Variants in NRXN1 observed in about 807,000 individuals in gnomAD.
NRXN1 encodes the protein neurexin-1.
Under a neutral mutation model 150.9 loss-of-function variants are expected in NRXN1, and 39 were observed. That is an observed-to-expected ratio of 0.26 (90% CI 0.20 to 0.34). The LOEUF (loss-of-function observed/expected upper bound fraction) is 0.34. NRXN1 is among the 10% of genes least tolerant of loss of function. The pLI, the probability that NRXN1 is intolerant of heterozygous loss-of-function variation, is 1.00. For synonymous variants in NRXN1, 924 were observed against 757.0 expected (o/e 1.22, Z -3.62); for missense variants, 1,815 against 1,949.9 (o/e 0.93, Z 1.30).
At chr2:50,258,269 C>A (rs1187051618) in intron 17 of NRXN1, among the ~76,000 whole-genome samples, 8 of 152,044 alleles carry the variant, frequency 5.3e-5, no homozygotes, top group Admixed American at 5.3e-4. Flanking sequence ...TTGAGTCAAT[C>A]CTCTCAAACC....
At chr2:51,003,918 T>C (rs1700374708) in intron 2 of NRXN1, among the ~76,000 whole-genome samples, 2 of 151,976 alleles carry the variant, frequency 1.3e-5, no homozygotes, top group South Asian at 2.1e-4. Flanking sequence ...GTCATCTTTT[T>C]AGCACATTAA....
intron 18 of NRXN1, among the ~76,000 whole-genome samples, chr2:50,133,792 T>TA (rs903070333): frequency 1.3e-5 from 2 of 152,130 alleles, no homozygotes; most frequent in Non-Finnish European, 2.9e-5. Context: ...ATTAACAGAT[T>TA]AAAAAACTAA....
At chr2:50,880,129 A>G (rs910606653) in intron 5 of NRXN1, among the ~76,000 whole-genome samples, 5 of 151,954 alleles carry the variant, frequency 3.3e-5, no homozygotes, top group Non-Finnish European at 7.4e-5. Context: ...TTGAAGATAC[A>G]TAATATCCAA....
intron 9 of NRXN1, among the ~76,000 whole-genome samples, chr2:50,546,542 G>C (rs1284102701): frequency 1.3e-5 from 2 of 152,044 alleles, no homozygotes; most frequent in Non-Finnish European, 1.5e-5. Flanking sequence ...GAAAAATTAT[G>C]TTTATACTCT....
At chr2:50,929,701 T>C (rs1687456186) in intron 2 of NRXN1, among the ~76,000 whole-genome samples, 1 of 152,056 alleles carries the variant, frequency 6.6e-6, no homozygotes, top group Non-Finnish European at 1.5e-5. Context: ...ACAGGGAGTG[T>C]GCTAACTTCT....
chr2:50,333,679 A>C (rs537004144), intron 17 of NRXN1, among the ~76,000 whole-genome samples: 143 of 152,096 alleles, frequency 9.4e-4, no homozygotes, highest in African/African-American at 3.2e-3. Context: ...TGTGAAAGAC[A>C]GCAGAATGGA....
chr2:51,021,286 T>C (rs1478928575), intron 2 of NRXN1, among the ~76,000 whole-genome samples: 5 of 151,966 alleles, frequency 3.3e-5, no homozygotes, highest in African/African-American at 9.7e-5. Context: ...TGAATATCTA[T>C]TGTAAGGCCT....
intron 21 of NRXN1, among the ~76,000 whole-genome samples, chr2:50,006,539 C>G (rs1558678379): frequency 6.6e-6 from 1 of 152,164 alleles, no homozygotes; most frequent in Non-Finnish European, 1.5e-5. Flanking sequence ...CTGAGGCATT[C>G]TGTGGAGTCT....
intron 12 of NRXN1, among the ~76,000 whole-genome samples, chr2:50,523,194 C>T (rs1287339287): frequency 1.3e-5 from 2 of 151,578 alleles, no homozygotes; most frequent in Non-Finnish European, 2.9e-5. Context: ...CTTTTCATTC[C>T]CTTCACATAT....
chr2:50,844,368 C>G (rs762059548), intron 5 of NRXN1, among the ~76,000 whole-genome samples: 1 of 152,120 alleles, frequency 6.6e-6, no homozygotes, highest in Non-Finnish European at 1.5e-5. Context: ...ATAGGCTGAC[C>G]CTTCGTCTAC....
chr2:50,578,381 G>T (rs962116740), intron 8 of NRXN1, among the ~76,000 whole-genome samples: 2 of 152,130 alleles, frequency 1.3e-5, no homozygotes, highest in Non-Finnish European at 2.9e-5. Flanking sequence ...AGCTGCATTT[G>T]TACAGCAAGC....
At chr2:51,013,939 A>C (rs751528696) in intron 2 of NRXN1, among the ~76,000 whole-genome samples, 2 of 152,056 alleles carry the variant, frequency 1.3e-5, no homozygotes, top group Non-Finnish European at 2.9e-5. Flanking sequence ...TACAAATGCA[A>C]TGCTATCAAG....
chr2:49,936,479 G>A (rs747151893), intron 22 of NRXN1, among the ~76,000 whole-genome samples: 7 of 152,106 alleles, frequency 4.6e-5, no homozygotes, highest in Non-Finnish European at 1.0e-4. Context: ...GCCAAGCATT[G>A]TGTATGAATC....
intron 15 of NRXN1, among the ~76,000 whole-genome samples, chr2:50,487,001 A>T (rs2090920651): frequency 6.6e-6 from 1 of 152,322 alleles, no homozygotes; most frequent in Admixed American, 6.5e-5. Flanking sequence ...AAATGGTTAC[A>T]ATAATTTCTA....
chr2:50,443,045 A>G (rs571258484), intron 17 of NRXN1, among the ~76,000 whole-genome samples: 2 of 152,302 alleles, frequency 1.3e-5, no homozygotes, highest in South Asian at 4.1e-4. Context: ...TGGGTGACTA[A>G]TTGACATTAG....
At chr2:50,675,433 A>C (rs1328245295) in intron 5 of NRXN1, among the ~76,000 whole-genome samples, 2 of 152,174 alleles carry the variant, frequency 1.3e-5, no homozygotes, top group Non-Finnish European at 2.9e-5. Flanking sequence ...AACTGCTTGG[A>C]AAGCATAGTT....
intron 17 of NRXN1, among the ~76,000 whole-genome samples, chr2:50,293,554 C>T (rs1017021820): frequency 6.6e-6 from 1 of 152,044 alleles, no homozygotes; most frequent in African/African-American, 2.4e-5. Flanking sequence ...TCCCTGTCTC[C>T]CCTGTTTTCC....
At chr2:50,937,013 C>A (rs561142300) in intron 2 of NRXN1, among the ~76,000 whole-genome samples, 1 of 152,158 alleles carries the variant, frequency 6.6e-6, no homozygotes, top group Admixed American at 6.5e-5. Flanking sequence ...AGGTGCCTCT[C>A]GTTACGAGAC....
intron 12 of NRXN1, among the ~76,000 whole-genome samples, chr2:50,526,384 T>C (rs1163337389): frequency 6.6e-6 from 1 of 152,202 alleles, no homozygotes; most frequent in African/African-American, 2.4e-5. Flanking sequence ...TTATCGGCTG[T>C]GATTTAATAA....
Sources: gnomAD v4.1 joint callset for allele counts (sites outside exome capture counted in the v4.1 genomes callset) on GRCh38, gnomAD v4.1.1 for gene constraint, MANE v1.5 for transcripts, NCBI Gene and HGNC (gene_info 2026-07-23, HGNC 2026-07-21) for gene names.